The following CDH11 variants were observed in gnomAD, a reference collection of about 807,000 sequenced individuals.
CDH11 encodes the protein cadherin-11.
In CDH11, 11 loss-of-function variants were observed where a neutral mutation model predicts 67.8. The ratio of observed to expected loss-of-function variants is 0.16; its 90% confidence interval spans 0.10 to 0.27. CDH11 has a LOEUF of 0.27. Among genes scored for constraint, CDH11 ranks in the 10% least tolerant of loss-of-function variants. The pLI, the probability that CDH11 is intolerant of heterozygous loss-of-function variation, is 1.00. For synonymous variants in CDH11, 419 were observed against 400.0 expected, an observed-to-expected ratio of 1.05 and a Z score of -0.57; for missense variants, 847 against 1,031.2, an observed-to-expected ratio of 0.82 and a Z score of 2.45.
intron 1 of CDH11, among the ~76,000 whole-genome samples, chr16:65,074,854 G>A (rs981600262): frequency 3.9e-5 from 6 of 152,244 alleles, no homozygotes; most frequent in Middle Eastern, 3.4e-3. Context: ...TGCAAACATT[G>A]TAAAAGAAAT....
intron 1 of CDH11, among the ~76,000 whole-genome samples, chr16:65,082,934 G>C (rs1321840574): frequency 6.6e-6 from 1 of 152,118 alleles, no homozygotes; most frequent in Non-Finnish European, 1.5e-5. Context: ...GGCACTGCAG[G>C]GGGATCACAC....
chr16:65,041,470 G>C (rs538354746), intron 2 of CDH11, among the ~76,000 whole-genome samples: 1 of 152,074 alleles, frequency 6.6e-6, no homozygotes, highest in East Asian at 1.9e-4. Context: ...TGGGAATAGT[G>C]ATAAAAGCAC....
At chr16:65,064,278 C>T (rs1274890051) in intron 1 of CDH11, among the ~76,000 whole-genome samples, 2 of 152,248 alleles carry the variant, frequency 1.3e-5, no homozygotes, top group African/African-American at 2.4e-5. Context: ...GCCTCCATGA[C>T]TCTTCAGTTC....
chr16:65,112,767 C>G (rs981128959), intron 1 of CDH11, among the ~76,000 whole-genome samples: 23 of 152,218 alleles, frequency 1.5e-4, no homozygotes, highest in African/African-American at 5.1e-4. Context: ...AGCTTAAGGC[C>G]AGGGCCAAGT....
At position 64,946,759 on chromosome 16, in the gene CDH11, T is replaced by C; in HGVS notation, c.*844A>G. 3 of 898,244 alleles carry C rather than the reference T, an allele frequency of 3.3e-6. No individual in the cohort carries two copies. Among genetic ancestry groups the C allele is most frequent in the Non-Finnish European group, 4.1e-6 (3 of 739,036 alleles). 55.6% of individuals were successfully genotyped at this position (898,244 alleles called of 1,614,324 possible). On this transcript the variant is annotated 3_prime_UTR_variant, in exon 13 of 13. Coordinates refer to ENST00000268603, the MANE Select transcript of CDH11 (RefSeq NM_001797.4). ...TAGAAATACTTAACGTTTGTTTCAA[T>C]GTTAAGAATCAAACCCAGAATTAAA...
chr16:65,056,974 C>A (rs2074154127), intron 1 of CDH11, among the ~76,000 whole-genome samples: 1 of 152,060 alleles, frequency 6.6e-6, no homozygotes, highest in Non-Finnish European at 1.5e-5. Flanking sequence ...ATTCTAATCA[C>A]TGCAAACATT....
chr16:64,983,319 A>G (rs946410023), intron 7 of CDH11: 2 of 152,214 alleles, frequency 1.3e-5, no homozygotes, highest in Non-Finnish European at 2.9e-5. Context: ...GAGGAGTTAC[A>G]GTGAATCAGT....
chr16:64,976,985 G>C (rs1262604895), intron 8 of CDH11, among the ~76,000 whole-genome samples: 53 of 152,108 alleles, frequency 3.5e-4, no homozygotes, highest in Non-Finnish European at 7.4e-5. Flanking sequence ...TTAAGCCCAG[G>C]AGTTTGAGAC....
intron 7 of CDH11, chr16:64,986,721 C>T (rs770623401): frequency 3.3e-5 from 5 of 152,130 alleles, no homozygotes; most frequent in Non-Finnish European, 5.9e-5. Context: ...TACCATTCAT[C>T]CATTAATGTA....
chr16:65,038,370 G>A (rs901294925), intron 2 of CDH11, among the ~76,000 whole-genome samples: 3 of 152,162 alleles, frequency 2.0e-5, no homozygotes, highest in African/African-American at 4.8e-5. Context: ...ATCCTGAGTC[G>A]GATTTCCATC....
rs112246708 is a variant in CDH11, at chr16:64,979,426, G to A, written c.1253+2622C>T. 6.5e-3 allele frequency among the ~76,000 whole-genome samples: 990 copies of A among 151,960 alleles called. 3 individuals are homozygous for A. Among genetic ancestry groups the A allele is most frequent in the Non-Finnish European group, 9.1e-3 (616 of 68,020 alleles). On this transcript the variant is annotated intron_variant, in intron 8 of 12. Coordinates refer to ENST00000268603, the MANE Select transcript of CDH11 (RefSeq NM_001797.4). Reference sequence around the variant, plus strand: ...CGTGCCACTGCACTCCAGCCTGGGCGACAGAGTGAAACTATGTCTCAGTAG... The same window carrying A: ...CGTGCCACTGCACTCCAGCCTGGGCAACAGAGTGAAACTATGTCTCAGTAG...
chr16:65,049,670 G>C (rs1359289287), intron 2 of CDH11, among the ~76,000 whole-genome samples: 3 of 152,136 alleles, frequency 2.0e-5, no homozygotes, highest in Non-Finnish European at 4.4e-5. Flanking sequence ...ACAGGGACTG[G>C]ATGTTCAGGT....
At chr16:65,088,640 C>T (rs538882971) in intron 1 of CDH11, among the ~76,000 whole-genome samples, 1 of 152,222 alleles carries the variant, frequency 6.6e-6, no homozygotes, top group East Asian at 1.9e-4. Flanking sequence ...CTTTTGCCTC[C>T]TATAAATAAA....
At chr16:65,020,593 GTGT>G (rs1445039918) in intron 2 of CDH11, among the ~76,000 whole-genome samples, 1 of 152,152 alleles carries the variant, frequency 6.6e-6, no homozygotes, top group East Asian at 1.9e-4. Context: ...GGCTCTCAAA[GTGT>G]TGGGATTACA....
chr16:64,969,974 CAA>C (rs920396797), intron 11 of CDH11, among the ~76,000 whole-genome samples: 3 of 152,014 alleles, frequency 2.0e-5, no homozygotes, highest in African/African-American at 7.2e-5. Context: ...TCACCAAAGA[CAA>C]AAGGTAAAAG....
chr16:65,015,444 G>GAA (rs761304503), intron 2 of CDH11, among the ~76,000 whole-genome samples: 2 of 140,696 alleles, frequency 1.4e-5, no homozygotes, highest in Non-Finnish European at 3.1e-5. Context: ...AATAAAGAGT[G>GAA]AAAAAAAAAA....
chr16:65,005,328 A>T (rs2073028354), intron 2 of CDH11, among the ~76,000 whole-genome samples: 3 of 152,168 alleles, frequency 2.0e-5, no homozygotes. Context: ...AATTGATCAA[A>T]ATTGTGCTTA....
intron 3 of CDH11, among the ~76,000 whole-genome samples, chr16:65,002,078 G>A (rs182178267): frequency 1.8e-3 from 280 of 152,118 alleles, no homozygotes; most frequent in African/African-American, 6.4e-3. Flanking sequence ...TATTTCCAGG[G>A]AACTGTCTCA....
At chr16:65,023,959 T>C (rs1270994614) in intron 2 of CDH11, among the ~76,000 whole-genome samples, 1 of 152,156 alleles carries the variant, frequency 6.6e-6, no homozygotes. Context: ...TAAGGATGCC[T>C]GAACTCCTGG....
Sources: gnomAD v4.1 joint callset for allele counts (sites outside exome capture counted in the v4.1 genomes callset) on GRCh38, gnomAD v4.1.1 for gene constraint, MANE v1.5 for transcripts, NCBI Gene and HGNC (gene_info 2026-07-23, HGNC 2026-07-21) for gene names.